Variants in NBEAL1 observed in about 807,000 individuals in gnomAD.
NBEAL1 encodes the protein neurobeachin-like protein 1.
NBEAL1 carries 273 observed loss-of-function variants against 351.3 expected under a neutral mutation model. That is an observed-to-expected ratio of 0.78 (90% CI 0.70 to 0.86). The LOEUF is 0.86. Ranked by LOEUF, NBEAL1 falls within the 40% of genes least tolerant of loss-of-function variation. The pLI, the probability that NBEAL1 is intolerant of heterozygous loss-of-function variation, is 0.00. For synonymous variants in NBEAL1, 1,050 were observed against 1,086.4 expected, an observed-to-expected ratio of 0.97 and a Z score of 0.66; for missense variants, 2,961 against 3,201.3, an observed-to-expected ratio of 0.92 and a Z score of 1.81.
intron 51 of NBEAL1, 43 bp downstream of exon 51, chr2:203,202,824 A>G (rs756676931): frequency 1.1e-5 from 12 of 1,108,106 alleles, no homozygotes. Flanking sequence ...TCAGAGATTC[A>G]CCCTGAGAAT....
intron 11 of NBEAL1, among the ~76,000 whole-genome samples, chr2:203,098,801 A>G (rs190513773): frequency 6.6e-6 from 1 of 152,260 alleles, no homozygotes; most frequent in African/African-American, 2.4e-5. Flanking sequence ...ATTTAATATA[A>G]AAATAGATAT....
At chr2:203,190,651 T>C (rs1018872817) in intron 46 of NBEAL1, 1 of 1,172,632 alleles carries the variant, frequency 8.5e-7, no homozygotes, top group Non-Finnish European at 1.2e-6. Flanking sequence ...AAAAAGGCAC[T>C]TGCTTTCCAG....
intron 53 of NBEAL1, 124 bp from the exon 54 acceptor site, chr2:203,210,834 T>C (rs2065767812): frequency 4.0e-6 from 2 of 503,188 alleles, no homozygotes; most frequent in East Asian, 3.2e-5. Flanking sequence ...TCTTTAAATA[T>C]AGCCATATTT....
intron 6 of NBEAL1, among the ~76,000 whole-genome samples, chr2:203,065,016 G>T (rs908279505): frequency 6.6e-6 from 1 of 152,138 alleles, no homozygotes; most frequent in Non-Finnish European, 1.5e-5. Context: ...CTAACACTTT[G>T]GGAGGCTGAG....
chr2:203,049,880 G>C lies in NBEAL1; in HGVS notation c.210G>C (p.Gln70His). Residue 70 changes from glutamine to histidine, a missense_variant, in exon 4 of 56, where the codon CAG becomes CAC. Gln to His is a conservative substitution (Grantham distance 24). Transcript: ENST00000683969. ...PDNILQVLRI[Q>H]LLQCVQKMAD... ...ATATTCTGCAGGTTCTGAGGATCCA[G>C]CTTCTACAGTGTGTTCAGAAAATGG... 2 of 1,556,832 alleles carry C rather than the reference G, an allele frequency of 1.3e-6. No individual in the cohort carries two copies. Among genetic ancestry groups the C allele is most frequent in the Non-Finnish European group, 8.7e-7 (1 of 1,148,382 alleles).
intron 18 of NBEAL1, among the ~76,000 whole-genome samples, chr2:203,116,884 C>T (rs2062712755): frequency 6.6e-6 from 1 of 151,292 alleles, no homozygotes; most frequent in African/African-American, 2.4e-5. Flanking sequence ...GGCGGATCAC[C>T]TGAGGTCAGG....
rs185294185 is a variant in NBEAL1, at chr2:203,197,219, C to T, written c.7039-83C>T. 3.3e-4 allele frequency: 244 copies of T among 735,532 alleles called. No individual in the cohort carries two copies. In the East Asian group the frequency reaches 5.6e-3, roughly 17 times the overall value. 45.6% of individuals were successfully genotyped at this position (735,532 alleles called of 1,614,324 possible). ...TAAAATGATGTATCACAGGATTCAT[C>T]CTTATTTAAAGAGACGGTTTTCAGT... On this transcript the variant is annotated intron_variant, in intron 47 of 55. Transcript: ENST00000683969.
intron 6 of NBEAL1, chr2:203,061,536 A>G (rs1275556332): frequency 1.3e-5 from 2 of 152,476 alleles, no homozygotes; most frequent in East Asian, 3.8e-4. Context: ...GAAAATGTGA[A>G]TGATTTACCG....
chr2:203,046,006 T>C (rs964040554), intron 3 of NBEAL1, among the ~76,000 whole-genome samples: 1 of 152,156 alleles, frequency 6.6e-6, no homozygotes, highest in Non-Finnish European at 1.5e-5. Context: ...CCCTGTAAAA[T>C]AGGGCAGTTG....
At chr2:203,083,646 T>G in intron 9 of NBEAL1, 121 bp downstream of exon 9, 1 of 752,158 alleles carries the variant, frequency 1.3e-6, no homozygotes, top group Non-Finnish European at 2.1e-6. Context: ...AGATATCATA[T>G]GACTGCTTAG....
At chr2:203,037,275 G>A (rs1305712655) in intron 2 of NBEAL1, among the ~76,000 whole-genome samples, 2 of 149,020 alleles carry the variant, frequency 1.3e-5, no homozygotes, top group African/African-American at 4.9e-5. Flanking sequence ...TTAACCAAGA[G>A]CAGTACTTAA....
chr2:203,046,870 A>G (rs535522409), intron 3 of NBEAL1, among the ~76,000 whole-genome samples: 3 of 152,166 alleles, frequency 2.0e-5, no homozygotes, highest in African/African-American at 7.2e-5. Context: ...AAGCTCTACC[A>G]TTCCTTAAAA....
At chr2:203,108,374 T>C (rs987069728) in intron 14 of NBEAL1, among the ~76,000 whole-genome samples, 186 bp downstream of exon 14, 2 of 146,856 alleles carry the variant, frequency 1.4e-5, no homozygotes, top group African/African-American at 5.0e-5. Flanking sequence ...AATAGCTGTT[T>C]ATCTCAAATA....
At chr2:203,189,101 G>A (rs375977609) in intron 45 of NBEAL1, among the ~76,000 whole-genome samples, 13 of 152,260 alleles carry the variant, frequency 8.5e-5, no homozygotes, top group African/African-American at 2.9e-4. Flanking sequence ...TTGCTATACC[G>A]GATCCATTCA....
rs2063267596 is a variant in NBEAL1 at position 203,138,157 on chromosome 2, T to C, written c.4566-5T>C. ...GGTTTTAAGAGGACTTTGTTTTCCATTTAGTTTGCTACAAAAGATGTTAGA... is the reference window on the plus strand; with the variant it reads ...GGTTTTAAGAGGACTTTGTTTTCCACTTAGTTTGCTACAAAAGATGTTAGA... On this transcript the variant is annotated splice_polypyrimidine_tract_variant and splice_region_variant and intron_variant, in intron 29 of 55. Coordinates refer to ENST00000683969, the MANE Select transcript of NBEAL1 (RefSeq NM_001378026.1). 1 of 1,612,992 alleles carries C rather than the reference T, an allele frequency of 6.2e-7. No individual in the cohort carries two copies. Among genetic ancestry groups the C allele is most frequent in the Non-Finnish European group, 8.5e-7 (1 of 1,179,748 alleles).
intron 35 of NBEAL1, among the ~76,000 whole-genome samples, chr2:203,154,778 C>T (rs964831830): frequency 2.6e-5 from 4 of 151,874 alleles, no homozygotes; most frequent in African/African-American, 9.7e-5. Context: ...GATACCCCAT[C>T]TCTACAAAAA....
In NBEAL1 at chr2:203,174,950, A is replaced by G. The variant is rs975954632; in HGVS notation, c.6324-197A>G. ...AAGTGTTTATGATATTTTGTTGTTC[A>G]GAAAAAAGTATTAAGCAATAAAATT... is the stretch of plus-strand genomic sequence containing the variant. On this transcript the variant is annotated intron_variant, in intron 41 of 55. Transcript: ENST00000683969. Among the ~76,000 whole-genome samples, 12 of 152,214 alleles carry G rather than the reference A, an allele frequency of 7.9e-5. No individual in the cohort carries two copies. In the East Asian group the frequency reaches 2.3e-3, roughly 29 times the overall value.
intron 39 of NBEAL1, among the ~76,000 whole-genome samples, chr2:203,171,356 A>G (rs972547545): frequency 1.3e-5 from 2 of 152,026 alleles, no homozygotes; most frequent in Non-Finnish European, 2.9e-5. Flanking sequence ...TGTAAACCCA[A>G]TGCTTTGGGA....
chr2:203,213,622 T>C lies in NBEAL1; in HGVS notation c.8039T>C (p.Leu2680Ser), dbSNP rs1448606812. The C allele has an allele frequency of 6.2e-7, 1 of 1,614,042 alleles. No individual in the cohort carries two copies. The highest frequency in any genetic ancestry group is 8.5e-7 in the Non-Finnish European group (1 of 1,179,984). The stretch of plus-strand genomic sequence containing the variant: ...CTTGTAGGTTTAGAAGATGGCAAAT[T>C]GATTGTAGTGGGTGTTGGCAAGCCT... ...HILVGLEDGK[L>S]IVVGVGKPAE... The change falls in exon 55 of 56, where the codon TTG becomes TCG. Residue 2680 changes from leucine to serine, a missense_variant. Leu to Ser is a moderately radical substitution (Grantham distance 145). Transcript: ENST00000683969.
Sources: allele counts gnomAD v4.1 joint callset (sites outside exome capture counted in the v4.1 genomes callset), GRCh38; gene constraint gnomAD v4.1.1; transcripts MANE v1.5; gene names NCBI Gene and HGNC (gene_info 2026-07-23, HGNC 2026-07-21).